The following SUGP1 variants were observed in gnomAD, a reference collection of about 807,000 sequenced individuals.
The protein encoded by SUGP1 is SURP and G-patch domain containing 1, also known as SURP and G-patch domain-containing protein 1.
Under a neutral mutation model 76.5 loss-of-function variants are expected in SUGP1, and 34 were observed. That is an observed-to-expected ratio of 0.44 (90% CI 0.34 to 0.59). SUGP1 has a LOEUF of 0.59. Among genes scored for constraint, SUGP1 ranks in the 20% least tolerant of loss-of-function variants. The pLI is 0.01. For missense variants in SUGP1, 752 were observed against 851.7 expected, an observed-to-expected ratio of 0.88 and a Z score of 1.46; for synonymous variants, 326 against 326.2, an observed-to-expected ratio of 1.00 and a Z score of 0.01.
At chr19:19,317,475 C>T (rs1030578817) in intron 1 of SUGP1, among the ~76,000 whole-genome samples, 2 of 152,090 alleles carry the variant, frequency 1.3e-5, no homozygotes, top group African/African-American at 4.8e-5. Context: ...ATTATAAGGG[C>T]TTTGGGGAGT....
intron 12 of SUGP1, 86 bp from the exon 13 acceptor site, chr19:19,277,162 T>A: frequency 7.4e-7 from 1 of 1,351,014 alleles, no homozygotes; most frequent in Non-Finnish European, 9.8e-7. Context: ...CAACAGCACC[T>A]CCCGCGGGTG....
chr19:19,299,374 T>TC (rs5827440), intron 7 of SUGP1, among the ~76,000 whole-genome samples: 63,392 of 151,540 alleles, frequency 0.42, 14,700 homozygotes, highest in African/African-American at 0.62. Context: ...TTCTTTTTTT[T>TC]CTTCCTTTTT....
At chr19:19,278,924 G>A in intron 10 of SUGP1, 128 bp from the exon 11 acceptor site, 1 of 959,140 alleles carries the variant, frequency 1.0e-6, no homozygotes, top group East Asian at 2.6e-5. Context: ...AGGCGGCTAG[G>A]CCATGACCCC....
intron 8 of SUGP1, among the ~76,000 whole-genome samples, chr19:19,289,023 A>T (rs1181350734): frequency 1.3e-5 from 2 of 151,656 alleles, no homozygotes; most frequent in Non-Finnish European, 2.9e-5. Flanking sequence ...TGACCTTGTG[A>T]TCTGTCCACC....
At chr19:19,310,346 T>C (rs2061344916) in intron 2 of SUGP1, 146 bp from the exon 3 acceptor site, 4 of 647,504 alleles carry the variant, frequency 6.2e-6, no homozygotes, top group Non-Finnish European at 1.1e-5. Flanking sequence ...GACCCCAAAC[T>C]GGCCCCCAGA....
In SUGP1 at chr19:19,303,760, A is replaced by G; in HGVS notation, c.626T>C (p.Val209Ala). The G allele has an allele frequency of 2.5e-6, 4 of 1,614,194 alleles. No individual in the cohort carries two copies. The East Asian group carries it at 6.7e-5, about 27-fold the overall frequency. The change falls in exon 5 of 14, where the codon GTA (valine) becomes GCA (alanine). Residue 209 changes from valine (V) to alanine (A), a missense_variant. Physicochemically the swap from Val to Ala is moderately conservative, Grantham distance 64. This residue lies in a region of SUGP1 where 620 missense variants were observed against 617.3 expected (regional missense o/e 1.00). Coordinates refer to ENST00000247001, the MANE Select transcript of SUGP1 (RefSeq NM_172231.4). Reference protein sequence around the residue: ...VAEGGPELEKVAMEDYKDNPA... With the variant: ...VAEGGPELEKAAMEDYKDNPA... ...GTTATCCTTGTAGTCCTCCATAGCT[A>G]CTTTTTCTAACTCGGGGCCTCCTTC... is the stretch of plus-strand genomic sequence containing the variant.
chr19:19,280,482 C>A, intron 8 of SUGP1, 191 bp from the exon 9 acceptor site: 1 of 585,376 alleles, frequency 1.7e-6, no homozygotes, highest in Non-Finnish European at 3.1e-6. Context: ...CGTGCACCCC[C>A]GCATCTTACG....
chr19:19,316,261 T>G (rs1181336584), intron 2 of SUGP1, 161 bp downstream of exon 2: 1 of 874,768 alleles, frequency 1.1e-6, no homozygotes, highest in African/African-American at 1.7e-5. Context: ...CATTTCTCTC[T>G]TGCCACAGTG....
At position 19,303,303 on chromosome 19, in the gene SUGP1, G is replaced by C. The variant is rs746724288; in HGVS notation, c.763+45C>G. The C allele has an allele frequency of 7.8e-5, 120 of 1,544,532 alleles. 1 individual carries two copies. The East Asian group carries it at 2.7e-3, about 35-fold the overall frequency. The stretch of plus-strand genomic sequence containing the variant: ...CCGATTCCGCATTGGGGCACGGTAT[G>C]TCCACAGGCCTCCCCAGAATCTCCC... On this transcript the variant is annotated intron_variant, in intron 6 of 13. Coordinates refer to ENST00000247001, the MANE Select transcript of SUGP1 (RefSeq NM_172231.4).
chr19:19,310,997 C>T (rs923103126), intron 2 of SUGP1, among the ~76,000 whole-genome samples: 1 of 151,608 alleles, frequency 6.6e-6, no homozygotes, highest in Admixed American at 6.6e-5. Context: ...GTGCAGAGTG[C>T]AATGGTGCGA....
chr19:19,303,440 T>C lies in SUGP1; in HGVS notation c.671A>G (p.His224Arg). The C allele has an allele frequency of 1.2e-6, 2 of 1,613,978 alleles. No individual in the cohort carries two copies. The highest frequency in any genetic ancestry group is 1.7e-6 in the Non-Finnish European group (2 of 1,179,918). The change falls in exon 6 of 14, where the codon CAC (histidine) becomes CGC (arginine). Residue 224 changes from histidine to arginine, a missense_variant. Around this residue, in one of 2 missense-constraint regions of SUGP1, gnomAD observed 620 missense variants for 617.3 expected, o/e 1.00. Transcript: ENST00000247001. ...YKDNPAFAFL[H>R]DKNSREFLYY... ...GAGGAATTCCCTGCTATTCTTATCG[T>C]GCAAAAATCTGGAGAGGAGGAAGTT...
rs555823733 is a variant in SUGP1, at chr19:19,310,188, T to C, written c.219A>G (p.Ala73=). The C allele has an allele frequency of 6.2e-7, 1 of 1,613,386 alleles. No homozygotes were observed. The highest frequency in any genetic ancestry group is 1.3e-5 in the African/African-American group (1 of 74,986). ...QPPHPGEITN[A]HNSSCISNKF... is the part of the protein sequence containing the mutation. ...TGTTGGAAATGCAGGAAGAGTTGTG[T>C]GCATTTGTGATTCTAGAACCAAGAC... Residue 73 remains alanine, a synonymous_variant, in exon 3 of 14, where the codon GCA becomes GCG. Coordinates refer to ENST00000247001, the MANE Select transcript of SUGP1 (RefSeq NM_172231.4).
At position 19,297,339 on chromosome 19, in the gene SUGP1, A is replaced by C. The variant is rs1332115418; in HGVS notation, c.893T>G (p.Leu298Arg). The change falls in exon 8 of 14, where the codon CTG becomes CGG. Residue 298 changes from leucine (L) to arginine (R), a missense_variant. Physicochemically the swap from Leu to Arg is moderately radical, Grantham distance 102 (BLOSUM62 -2). This residue lies in a region of SUGP1 where 620 missense variants were observed against 617.3 expected (regional missense o/e 1.00). Coordinates refer to ENST00000247001, the MANE Select transcript of SUGP1 (RefSeq NM_172231.4). ...NNRENQAFSF[L>R]YEPNSQGYKY... ...GTACCCTTGGCTATTGGGCTCATAC[A>C]GAAAGCTGCAAAGGAGAGTTGGGGG... 1.3e-6 allele frequency: 2 copies of C among 1,513,098 alleles called. No individual in the cohort carries two copies. The highest frequency in any genetic ancestry group is 1.8e-6 in the Non-Finnish European group (2 of 1,128,332). 93.7% of individuals were successfully genotyped at this position (1,513,098 alleles called of 1,614,324 possible).
At chr19:19,280,630 G>A in intron 8 of SUGP1, 1 of 282,538 alleles carries the variant, frequency 3.5e-6, no homozygotes, top group East Asian at 7.3e-5. Flanking sequence ...CCAGAGACAA[G>A]AGAGCTGAGA....
At chr19:19,284,138 G>C (rs2061121645) in intron 8 of SUGP1, among the ~76,000 whole-genome samples, 1 of 152,090 alleles carries the variant, frequency 6.6e-6, no homozygotes, top group Non-Finnish European at 1.5e-5. Context: ...ATAACATCAT[G>C]GGTCCCATAA....
At chr19:19,318,872 G>C (rs2061414472) in intron 1 of SUGP1, among the ~76,000 whole-genome samples, 1 of 152,174 alleles carries the variant, frequency 6.6e-6, no homozygotes, top group Admixed American at 6.5e-5. Context: ...ATAGTATGGA[G>C]ACAGGGAAGA....
chr19:19,284,902 C>T (rs1297428429), intron 8 of SUGP1, among the ~76,000 whole-genome samples: 3 of 147,714 alleles, frequency 2.0e-5, no homozygotes, highest in African/African-American at 7.6e-5. Context: ...TAGATGGAGT[C>T]TCGCTCTTTC....
chr19:19,301,998 G>A, intron 7 of SUGP1: 2 of 492,690 alleles, frequency 4.1e-6, no homozygotes, highest in Non-Finnish European at 7.2e-6. Context: ...GCAAGTGCTA[G>A]AGACTTTCTC....
At position 19,281,893 on chromosome 19, in the gene SUGP1, C is replaced by T. The variant is rs549184323; in HGVS notation, c.1244-1602G>A. ...GACCAGGCCATAGGCTGGCCCTCCC[C>T]GAAATTGCTGCTAAGAAGGGAGAGG... On this transcript the variant is annotated intron_variant, in intron 8 of 13. Transcript: ENST00000247001. 4.8e-4 allele frequency among the ~76,000 whole-genome samples: 73 copies of T among 152,300 alleles called. No individual in the cohort carries two copies. In the South Asian group the frequency reaches 8.5e-3, roughly 18 times the overall value.
Sources: gnomAD v4.1 joint callset for allele counts (sites outside exome capture counted in the v4.1 genomes callset) on GRCh38, gnomAD v4.1.1 for gene constraint, gnomAD v4.1.1 regional missense constraint, MANE v1.5 for transcripts, NCBI Gene and HGNC (gene_info 2026-07-23, HGNC 2026-07-21) for gene names.